The following RP1 variants were observed in gnomAD, a reference collection of about 807,000 sequenced individuals.
RP1 encodes the protein oxygen-regulated protein 1.
Under a neutral mutation model 14.8 loss-of-function variants are expected in RP1, and 16 were observed. That is an observed-to-expected ratio of 1.08 (90% confidence interval 0.73 to 1.65). The LOEUF is 1.65. Ranked by LOEUF, RP1 falls within the 40% of genes most tolerant of loss-of-function variation. The pLI, the probability that RP1 is intolerant of heterozygous loss-of-function variation, is 0.00. For synonymous variants in RP1, 876 were observed against 883.6 expected, an observed-to-expected ratio of 0.99 and a Z score of 0.15; for missense variants, 2,631 against 2,535.0, an observed-to-expected ratio of 1.04 and a Z score of -0.81.
chr8:54,842,493 C>T (rs892921692), intron 25 of RP1, among the ~76,000 whole-genome samples: 3 of 152,110 alleles, frequency 2.0e-5, no homozygotes, highest in East Asian at 3.9e-4. Context: ...ACCAGGAGCA[C>T]GGCAGAGCAG....
chr8:54,697,914 G>C (rs893159503), intron 12 of RP1, among the ~76,000 whole-genome samples: 1 of 152,072 alleles, frequency 6.6e-6, no homozygotes, highest in East Asian at 1.9e-4. Flanking sequence ...AGACTTAAAC[G>C]TAACACCTAA....
chr8:54,808,143 T>G (rs780284799), intron 24 of RP1, among the ~76,000 whole-genome samples: 1 of 152,132 alleles, frequency 6.6e-6, no homozygotes, highest in Non-Finnish European at 1.5e-5. Context: ...TTATAGAATA[T>G]GGGGTTCACT....
intron 17 of RP1, among the ~76,000 whole-genome samples, chr8:54,731,228 T>G (rs1048968583): frequency 6.6e-6 from 1 of 152,144 alleles, no homozygotes; most frequent in African/African-American, 2.4e-5. Context: ...CAAAGTAGAT[T>G]AACATTTTTT....
chr8:54,601,006 C>T (rs888070717), intron 1 of RP1, among the ~76,000 whole-genome samples: 8 of 152,104 alleles, frequency 5.3e-5, no homozygotes, highest in Admixed American at 2.6e-4. Flanking sequence ...CCGGGGTTTT[C>T]GGTTGTACTT....
At chr8:54,677,338 G>C (rs1807314920) in intron 8 of RP1, among the ~76,000 whole-genome samples, 1 of 152,006 alleles carries the variant, frequency 6.6e-6, no homozygotes, top group Non-Finnish European at 1.5e-5. Flanking sequence ...ACTGATCTAG[G>C]GAACTGTGAA....
chr8:54,631,764 A>G (rs1374179562), downstream of RP1, among the ~76,000 whole-genome samples: 8 of 151,950 alleles, frequency 5.3e-5, no homozygotes, highest in Admixed American at 1.3e-4. Context: ...CTTCTCAAGT[A>G]GGTGGGACTG....
intron 1 of RP1, among the ~76,000 whole-genome samples, chr8:54,581,999 T>C (rs1804803501): frequency 1.3e-5 from 2 of 152,222 alleles, no homozygotes; most frequent in Admixed American, 1.3e-4. Flanking sequence ...AGAAGCTCTT[T>C]AGTTTAATTA....
chr8:54,868,383 T>C (rs1812505015), intron 28 of RP1, among the ~76,000 whole-genome samples: 1 of 152,210 alleles, frequency 6.6e-6, no homozygotes, highest in Non-Finnish European at 1.5e-5. Flanking sequence ...ATAAACTGTT[T>C]TCCTTGCCTT....
At chr8:54,666,715 T>C (rs1807026119) in intron 7 of RP1, among the ~76,000 whole-genome samples, 1 of 151,898 alleles carries the variant, frequency 6.6e-6, no homozygotes, top group Admixed American at 6.6e-5. Flanking sequence ...CAGTCAGACC[T>C]CTTCCAGGGA....
In RP1 at chr8:54,626,686, C is replaced by T; in HGVS notation, c.2804C>T (p.Ala935Val). The T allele has an allele frequency of 6.2e-7, 1 of 1,613,834 alleles. No individual in the cohort carries two copies. Residue 935 changes from alanine (A) to valine (V), a missense_variant, in exon 4 of 4, where the codon GCT becomes GTT. Physicochemically the swap from Ala to Val is moderately conservative, Grantham distance 64. Transcript: ENST00000220676. Reference protein sequence around the residue: ...PYPTLKPIKSAPVCRNETSVV... With the variant: ...PYPTLKPIKSVPVCRNETSVV... ...CCAACTTTAAAGCCTATAAAATCAG[C>T]TCCAGTATGTAGAAATGAAACGAGT... is the stretch of plus-strand genomic sequence containing the variant.
chr8:54,597,462 TTA>T (rs772406063), intron 1 of RP1, among the ~76,000 whole-genome samples: 2 of 152,172 alleles, frequency 1.3e-5, no homozygotes, highest in African/African-American at 2.4e-5. Flanking sequence ...GTTCTTCTCT[TTA>T]TATGTTTTAG....
rs2129312059 is a variant in RP1 at position 54,616,144 on chromosome 8, G to A, written c.-71G>A. On this transcript the variant is annotated 5_prime_UTR_variant, in exon 1 of 4. Transcript: ENST00000220676. ...TACATATCCAGTGACATTTATTTGA[G>A]CTATTTAAACAACTTAAACATCTTT... 6.6e-6 allele frequency: 1 copy of A among 152,322 alleles called. No individual in the cohort carries two copies. Among genetic ancestry groups the A allele is most frequent in the Non-Finnish European group, 1.5e-5 (1 of 68,028 alleles). The allele number at this position is 152,322 out of a possible 1,614,324, so 9.4% of individuals were successfully genotyped here. A position where few individuals can be genotyped will look rare whatever the true frequency, so the allele number is the denominator to read the frequency against.
intron 1 of RP1, among the ~76,000 whole-genome samples, chr8:54,566,793 A>G (rs1031660756): frequency 1.3e-5 from 2 of 152,234 alleles, no homozygotes; most frequent in Non-Finnish European, 2.9e-5. Flanking sequence ...GGTAAAAGAT[A>G]TTTAATGCTT....
chr8:54,718,752 T>C (rs1808465235), intron 15 of RP1, among the ~76,000 whole-genome samples: 1 of 152,200 alleles, frequency 6.6e-6, no homozygotes, highest in Non-Finnish European at 1.5e-5. Flanking sequence ...GATTACATAT[T>C]ATACCATTCC....
intron 7 of RP1, among the ~76,000 whole-genome samples, chr8:54,665,803 T>A (rs1807003343): frequency 6.6e-6 from 1 of 152,152 alleles, no homozygotes; most frequent in Non-Finnish European, 1.5e-5. Context: ...TGATTGCTTG[T>A]TCTGTCACCG....
At chr8:54,738,925 C>A (rs1357818425) in intron 18 of RP1, 2 of 1,409,654 alleles carry the variant, frequency 1.4e-6, no homozygotes, top group Non-Finnish European at 1.9e-6. Flanking sequence ...ATTTTTTTCT[C>A]CTTTGCATTT....
chr8:54,793,963 TA>T (rs1373651098), intron 24 of RP1, among the ~76,000 whole-genome samples: 1 of 151,912 alleles, frequency 6.6e-6, no homozygotes, highest in Non-Finnish European at 1.5e-5. Flanking sequence ...ACAAACTCAG[TA>T]AAGTTGCAAG....
At chr8:54,591,080 A>G (rs1041287947) in intron 1 of RP1, among the ~76,000 whole-genome samples, 12 of 152,198 alleles carry the variant, frequency 7.9e-5, no homozygotes, top group African/African-American at 2.9e-4. Context: ...CACCTCATGT[A>G]AGCCACCATA....
intron 15 of RP1, among the ~76,000 whole-genome samples, chr8:54,707,688 G>A (rs1808184129): frequency 6.6e-6 from 1 of 152,172 alleles, no homozygotes; most frequent in African/African-American, 2.4e-5. Flanking sequence ...AGCTTCTTGG[G>A]GTATGAGGAG....
Sources: allele counts gnomAD v4.1 joint callset (sites outside exome capture counted in the v4.1 genomes callset), GRCh38; gene constraint gnomAD v4.1.1; transcripts MANE v1.5; gene names NCBI Gene and HGNC (gene_info 2026-07-23, HGNC 2026-07-21).